The following ARHGAP15 variants were observed in gnomAD, a reference collection of about 807,000 sequenced individuals.
The protein encoded by ARHGAP15 is rho GTPase-activating protein 15.
ARHGAP15 carries 51 observed loss-of-function variants against 63.7 expected under a neutral mutation model. The observed-to-expected ratio is 0.80, with a 90% CI of 0.64 to 1.01. ARHGAP15 has a LOEUF of 1.01. ARHGAP15 is among the 50% of genes least tolerant of loss of function. The pLI is 0.00. For synonymous variants in ARHGAP15, 191 were observed against 193.8 expected (o/e 0.99, Z 0.12); for missense variants, 560 against 564.6 (o/e 0.99, Z 0.08).
intron 12 of ARHGAP15, among the ~76,000 whole-genome samples, chr2:143,657,794 T>C (rs964194898): frequency 5.9e-5 from 9 of 152,228 alleles, no homozygotes; most frequent in African/African-American, 2.2e-4. Context: ...TCTCCCCTCC[T>C]GATTTGATTT....
chr2:143,628,826 A>C (rs984553724), intron 12 of ARHGAP15, among the ~76,000 whole-genome samples: 1 of 152,174 alleles, frequency 6.6e-6, no homozygotes, highest in African/African-American at 2.4e-5. Flanking sequence ...TTGCTTACAC[A>C]CAAGTAAAAC....
chr2:143,241,936 T>C (rs141279675), intron 5 of ARHGAP15, among the ~76,000 whole-genome samples: 97 of 152,342 alleles, frequency 6.4e-4, no homozygotes, highest in Non-Finnish European at 1.2e-3. Context: ...GAAAAGGGTC[T>C]GCAAGTACGC....
chr2:143,258,535 G>GA (rs768030802), intron 6 of ARHGAP15, among the ~76,000 whole-genome samples: 5 of 151,952 alleles, frequency 3.3e-5, no homozygotes, highest in African/African-American at 4.8e-5. Flanking sequence ...ACATTTAGCA[G>GA]AAAAAAAATT....
At chr2:143,382,871 G>GCATTTGCTT (rs1687120852) in intron 6 of ARHGAP15, among the ~76,000 whole-genome samples, 1 of 152,112 alleles carries the variant, frequency 6.6e-6, no homozygotes, top group Non-Finnish European at 1.5e-5. Flanking sequence ...CTCATAAAAA[G>GCATTTGCTT]CATTTGCTTA....
intron 2 of ARHGAP15, among the ~76,000 whole-genome samples, chr2:143,183,648 T>C (rs1228912788): frequency 1.3e-5 from 2 of 151,882 alleles, no homozygotes; most frequent in African/African-American, 4.8e-5. Flanking sequence ...AGTGTGAGAA[T>C]AGGACACTCT....
At chr2:143,466,053 A>T (rs950337036) in intron 8 of ARHGAP15, among the ~76,000 whole-genome samples, 12 of 147,884 alleles carry the variant, frequency 8.1e-5, no homozygotes, top group East Asian at 2.0e-4. Context: ...GCATTCCAAA[A>T]TTTTTTTTTT....
At position 143,256,408 on chromosome 2, in the gene ARHGAP15, A is replaced by G. The variant is rs537952375; in HGVS notation, c.474+5808A>G. On this transcript the variant is annotated intron_variant, in intron 6 of 13. Transcript: ENST00000295095. ...AACATGAAAATCTTTTTATTGTGTG[A>G]CTAAGAATATAGATCCTTAATCTTA... is the stretch of plus-strand genomic sequence containing the variant. 3.2e-4 allele frequency among the ~76,000 whole-genome samples: 49 copies of G among 152,256 alleles called. No individual in the cohort carries two copies. The Middle Eastern group carries it at 0.01, about 32-fold the overall frequency.
At chr2:143,143,869 T>G (rs1258191797) in intron 1 of ARHGAP15, among the ~76,000 whole-genome samples, 3 of 152,026 alleles carry the variant, frequency 2.0e-5, no homozygotes, top group African/African-American at 7.2e-5. Flanking sequence ...GCCCAGGTAT[T>G]AAGCCTAGTA....
intron 2 of ARHGAP15, among the ~76,000 whole-genome samples, chr2:143,164,572 G>A (rs896952288): frequency 6.6e-6 from 1 of 151,980 alleles, no homozygotes; most frequent in South Asian, 2.1e-4. Flanking sequence ...CAGATTTATG[G>A]ATGTGCTGAA....
At chr2:143,524,546 G>A (rs983729385) in intron 10 of ARHGAP15, among the ~76,000 whole-genome samples, 3 of 151,988 alleles carry the variant, frequency 2.0e-5, no homozygotes, top group Non-Finnish European at 4.4e-5. Flanking sequence ...GTTATCTTTG[G>A]GTAGATTATA....
chr2:143,630,279 A>T (rs910157597), intron 12 of ARHGAP15, among the ~76,000 whole-genome samples: 7 of 152,120 alleles, frequency 4.6e-5, no homozygotes, highest in African/African-American at 1.7e-4. Context: ...GATTTCTATG[A>T]TCAATTGCTC....
rs188719311 is a variant in ARHGAP15 at position 143,376,128 on chromosome 2, A to C, written c.475-59473A>C. Among the ~76,000 whole-genome samples, 363 of 152,334 alleles carry C rather than the reference A, an allele frequency of 2.4e-3. 1 individual carries two copies. The highest frequency in any genetic ancestry group is 3.9e-3 in the Admixed American group (60 of 15,296). On this transcript the variant is annotated intron_variant, in intron 6 of 13. Coordinates refer to ENST00000295095, the MANE Select transcript of ARHGAP15 (RefSeq NM_018460.4). Reference sequence around the variant, plus strand: ...TTCTGTAAGATTCTCAACATTACAGATATATTTCATTATGCAACCCTTTAG... The same window carrying C: ...TTCTGTAAGATTCTCAACATTACAGCTATATTTCATTATGCAACCCTTTAG...
intron 6 of ARHGAP15, among the ~76,000 whole-genome samples, chr2:143,426,761 T>C (rs993244765): frequency 6.6e-6 from 1 of 152,184 alleles, no homozygotes; most frequent in African/African-American, 2.4e-5. Flanking sequence ...TCACCATTCC[T>C]TATTTGTTGG....
intron 13 of ARHGAP15, among the ~76,000 whole-genome samples, chr2:143,728,395 C>T (rs544780650): frequency 3.3e-5 from 5 of 152,236 alleles, no homozygotes; most frequent in South Asian, 2.1e-4. Flanking sequence ...TCTGAGCTAA[C>T]GGTAGCTGGT....
At chr2:143,602,512 T>A (rs1043106014) in intron 11 of ARHGAP15, among the ~76,000 whole-genome samples, 2 of 152,224 alleles carry the variant, frequency 1.3e-5, no homozygotes, top group African/African-American at 4.8e-5. Flanking sequence ...TTTTCAGGGA[T>A]GAGTGGGAAA....
At chr2:143,533,162 CA>C in intron 10 of ARHGAP15, 1 of 152,292 alleles carries the variant, frequency 6.6e-6, no homozygotes. Flanking sequence ...GGATGATGAG[CA>C]GGGGGAATGC....
At position 143,282,946 on chromosome 2, in the gene ARHGAP15, C is replaced by CAATT. The variant is rs753269420; in HGVS notation, c.474+32346_474+32347insAATT. Among the ~76,000 whole-genome samples, 15 of 152,234 alleles carry CAATT rather than the reference C, an allele frequency of 9.9e-5. 1 individual carries two copies. The South Asian group carries it at 1.9e-3, about 19-fold the overall frequency. On this transcript the variant is annotated intron_variant, in intron 6 of 13. Transcript: ENST00000295095. ...CTTCAATACAATCAGTGAAAACAAT[C>CAATT]CTTGTTGGGAGTAGATCATTTCGGA...
rs528025794 is a variant in ARHGAP15, at chr2:143,297,946, C to T, written c.474+47346C>T. On this transcript the variant is annotated intron_variant, in intron 6 of 13. Coordinates refer to ENST00000295095, the MANE Select transcript of ARHGAP15 (RefSeq NM_018460.4). ...TCATTTAATCTTAGTGACAAATGTT[C>T]TGTGTGATCTTCTACCTTTAGCTCG... is the stretch of plus-strand genomic sequence containing the variant. Among the ~76,000 whole-genome samples, 11 of 152,112 alleles carry T rather than the reference C, an allele frequency of 7.2e-5. No homozygotes were observed. The South Asian group carries it at 2.3e-3, about 32-fold the overall frequency.
intron 2 of ARHGAP15, among the ~76,000 whole-genome samples, chr2:143,165,992 A>AGGG (rs1401060532): frequency 7.3e-6 from 1 of 136,812 alleles, no homozygotes; most frequent in Non-Finnish European, 1.6e-5. Flanking sequence ...GAAAGAAAGA[A>AGGG]AGAAAGAAAG....
Sources: gnomAD v4.1 joint callset for allele counts (sites outside exome capture counted in the v4.1 genomes callset) on GRCh38, gnomAD v4.1.1 for gene constraint, MANE v1.5 for transcripts, NCBI Gene and HGNC (gene_info 2026-07-23, HGNC 2026-07-21) for gene names.